The following THSD4 variants were observed in gnomAD, a reference collection of about 807,000 sequenced individuals.
THSD4 encodes the protein thrombospondin type-1 domain-containing protein 4.
In THSD4, 69 loss-of-function variants were observed where a neutral mutation model predicts 119.0. The observed-to-expected ratio is 0.58, with a 90% CI of 0.48 to 0.71. The LOEUF (loss-of-function observed/expected upper bound fraction) is 0.71. THSD4 is among the 30% of genes least tolerant of loss of function. THSD4 has a pLI of 0.00. For synonymous variants in THSD4, 524 were observed against 540.4 expected (o/e 0.97, Z 0.42); for missense variants, 1,393 against 1,391.1 (o/e 1.00, Z -0.02).
chr15:71,582,880 A>G (rs1431377404), intron 7 of THSD4, among the ~76,000 whole-genome samples: 1 of 152,076 alleles, frequency 6.6e-6, no homozygotes, highest in Admixed American at 6.6e-5. Flanking sequence ...AATTTAGTAT[A>G]CTAGTATTTT....
At chr15:71,286,565 A>G (rs1246063986) in intron 6 of THSD4, among the ~76,000 whole-genome samples, 2 of 152,162 alleles carry the variant, frequency 1.3e-5, no homozygotes, top group Non-Finnish European at 2.9e-5. Context: ...CTTGATGGGC[A>G]TTTGGGTTCC....
chr15:71,642,442 A>G (rs2050876307), intron 7 of THSD4, among the ~76,000 whole-genome samples: 1 of 152,086 alleles, frequency 6.6e-6, no homozygotes, highest in Non-Finnish European at 1.5e-5. Flanking sequence ...CAGCCATCCC[A>G]TTACTGGGTA....
chr15:71,569,662 C>T (rs2049312703), intron 7 of THSD4, among the ~76,000 whole-genome samples: 4 of 152,050 alleles, frequency 2.6e-5, no homozygotes, highest in Admixed American at 2.6e-4. Flanking sequence ...GCAGCCAAAG[C>T]AAAGAAAGAA....
chr15:71,543,970 A>G (rs1426638920), intron 7 of THSD4, among the ~76,000 whole-genome samples: 4 of 152,120 alleles, frequency 2.6e-5, no homozygotes, highest in Admixed American at 6.6e-5. Context: ...AGAGGTTGCA[A>G]TGAGCTGAGG....
intron 7 of THSD4, among the ~76,000 whole-genome samples, chr15:71,596,291 A>G (rs2049905693): frequency 1.3e-5 from 2 of 152,214 alleles, no homozygotes; most frequent in South Asian, 4.1e-4. Flanking sequence ...GAACGCAGTC[A>G]GATTGTGACA....
intron 7 of THSD4, among the ~76,000 whole-genome samples, chr15:71,430,947 G>A (rs2046936186): frequency 6.6e-6 from 1 of 152,010 alleles, no homozygotes; most frequent in Non-Finnish European, 1.5e-5. Context: ...CAAGGCCTTG[G>A]TAAAATAACC....
At position 71,758,742 on chromosome 15, in the gene THSD4, G is replaced by A. The variant is rs528552739; in HGVS notation, c.2589+667G>A. On this transcript the variant is annotated intron_variant, in intron 15 of 17. Transcript: ENST00000261862. ...AGGGCTGGCTGGTTCTCCAAGGACT[G>A]TTTGGCTTATGATCATGATTTACAC... Among the ~76,000 whole-genome samples, 12 of 152,282 alleles carry A rather than the reference G, an allele frequency of 7.9e-5. No homozygotes were observed. In the East Asian group the frequency reaches 2.3e-3, roughly 29 times the overall value.
At chr15:71,111,436 GA>G (rs774773313), upstream of THSD4, 1 of 1,588,110 alleles carries the variant, frequency 6.3e-7, no homozygotes. Flanking sequence ...CCTGGAGGAG[GA>G]AGAAAAAGGA....
intron 7 of THSD4, among the ~76,000 whole-genome samples, chr15:71,507,792 C>A (rs1217478304): frequency 3.9e-5 from 6 of 152,170 alleles, no homozygotes; most frequent in African/African-American, 1.4e-4. Flanking sequence ...AAGCCACATG[C>A]CCTCCCCATG....
chr15:71,370,318 T>C (rs529534215), intron 6 of THSD4, among the ~76,000 whole-genome samples: 8 of 152,230 alleles, frequency 5.3e-5, no homozygotes, highest in Admixed American at 5.2e-4. Flanking sequence ...TCTTGCCTTC[T>C]GCTAGCTTTT....
chr15:71,639,160 A>C (rs2050806954), intron 7 of THSD4, among the ~76,000 whole-genome samples: 1 of 152,224 alleles, frequency 6.6e-6, no homozygotes, highest in Non-Finnish European at 1.5e-5. Flanking sequence ...ATGTACCCAA[A>C]AAGTAGAGAA....
chr15:71,418,889 T>C lies in THSD4; in HGVS notation c.1152+7066T>C, dbSNP rs1247696117. Among the ~76,000 whole-genome samples, 2 of 108,772 alleles carry C rather than the reference T, an allele frequency of 1.8e-5. 1 individual carries two copies. Among genetic ancestry groups the C allele is most frequent in the African/African-American group, 6.2e-5 (2 of 32,098 alleles). 71.4% of individuals were successfully genotyped at this position (108,772 alleles called of 152,430 possible). On this transcript the variant is annotated intron_variant, in intron 7 of 17. Coordinates refer to ENST00000261862, the MANE Select transcript of THSD4 (RefSeq NM_024817.3). ...GTTCAAGTATTGGATTTCTTCATGGTTTAATCTTGATAGGTTGTATGTATC... is the reference window on the plus strand; with the variant it reads ...GTTCAAGTATTGGATTTCTTCATGGCTTAATCTTGATAGGTTGTATGTATC...
intron 6 of THSD4, among the ~76,000 whole-genome samples, chr15:71,347,577 C>T (rs879862249): frequency 2.6e-5 from 4 of 152,158 alleles, no homozygotes; most frequent in Non-Finnish European, 2.9e-5. Context: ...CTTCTTTTGG[C>T]GGGGATCCTC....
chr15:71,479,265 A>G (rs2047693584), intron 7 of THSD4, among the ~76,000 whole-genome samples: 1 of 143,052 alleles, frequency 7.0e-6, no homozygotes, highest in Non-Finnish European at 1.5e-5. Context: ...TTTTGCACCG[A>G]TTCCCATTAG....
chr15:71,662,594 C>T (rs912950924), intron 8 of THSD4, among the ~76,000 whole-genome samples: 13 of 152,082 alleles, frequency 8.5e-5, no homozygotes, highest in Non-Finnish European at 1.5e-4. Context: ...GCTTTTAGTA[C>T]ATTTTCCCTG....
chr15:71,344,317 A>G (rs978914595), intron 6 of THSD4, among the ~76,000 whole-genome samples: 27 of 152,224 alleles, frequency 1.8e-4, no homozygotes, highest in South Asian at 6.2e-4. Flanking sequence ...TACTGGGATT[A>G]CAGGCGTGAG....
chr15:71,326,605 T>C (rs2045341233), intron 6 of THSD4, among the ~76,000 whole-genome samples: 1 of 128,276 alleles, frequency 7.8e-6, no homozygotes, highest in African/African-American at 2.9e-5. Context: ...ACCTGGGAGG[T>C]GGAGGTTGCA....
intron 6 of THSD4, among the ~76,000 whole-genome samples, chr15:71,305,525 T>C (rs1176428198): frequency 6.6e-6 from 1 of 152,186 alleles, no homozygotes; most frequent in Non-Finnish European, 1.5e-5. Flanking sequence ...CCTATCCTGA[T>C]TCTGCCACTT....
intron 6 of THSD4, among the ~76,000 whole-genome samples, chr15:71,314,327 C>A (rs28529655): frequency 0.63 from 94,911 of 151,706 alleles, 30,182 homozygotes; most frequent in Admixed American, 0.73. Flanking sequence ...TAATTATTGG[C>A]GGCGGAGTCT....
Sources: gnomAD v4.1 joint callset for allele counts (sites outside exome capture counted in the v4.1 genomes callset) on GRCh38, gnomAD v4.1.1 for gene constraint, MANE v1.5 for transcripts, NCBI Gene and HGNC (gene_info 2026-07-23, HGNC 2026-07-21) for gene names.